Variants in STOX2 observed in about 807,000 individuals in gnomAD.
STOX2 encodes storkhead-box protein 2.
In STOX2, 28 loss-of-function variants were observed where a neutral mutation model predicts 60.9. The observed-to-expected ratio is 0.46, with a 90% CI of 0.34 to 0.63. STOX2 has a LOEUF of 0.63. Among genes scored for constraint, STOX2 ranks in the 30% least tolerant of loss-of-function variants. STOX2 has a pLI of 0.01. For synonymous variants in STOX2, 472 were observed against 463.9 expected, an observed-to-expected ratio of 1.02 and a Z score of -0.22; for missense variants, 1,024 against 1,187.7, an observed-to-expected ratio of 0.86 and a Z score of 2.03.
intron 1 of STOX2, among the ~76,000 whole-genome samples, chr4:183,826,443 A>G (rs1739434201): frequency 6.6e-6 from 1 of 152,196 alleles, no homozygotes; most frequent in Admixed American, 6.5e-5. Context: ...TTCGAGGCAC[A>G]GTTCGTCTTC....
In STOX2 at chr4:183,887,271, A is replaced by AG. The variant is rs200037564; in HGVS notation, c.364+89216_364+89217insG. 5.9e-5 allele frequency among the ~76,000 whole-genome samples: 9 copies of AG among 151,864 alleles called. No individual in the cohort carries two copies. In the East Asian group the frequency reaches 1.5e-3, roughly 26 times the overall value. ...AAGAATGAGACTCCGCCTGAAAGAA[A>AG]AAAAAAAAGTTATGTACTTCTTCCC... is the stretch of plus-strand genomic sequence containing the variant. On this transcript the variant is annotated intron_variant, in intron 1 of 2. Transcript: ENST00000513034.
chr4:183,964,055 G>A (rs1743492176), intron 1 of STOX2, among the ~76,000 whole-genome samples: 2 of 152,178 alleles, frequency 1.3e-5, no homozygotes, highest in Admixed American at 1.3e-4. Context: ...GATTACAGGC[G>A]TGAGCCACCG....
rs527429613 is a variant in STOX2 at position 183,816,459 on chromosome 4, C to T, written c.364+18404C>T. ...GGGAGCAAAACAATGGGTACACATG[C>T]ACATAAAAATCGGAACAGTAGACAT... On this transcript the variant is annotated intron_variant, in intron 1 of 2. Coordinates refer to the STOX2 transcript ENST00000513034. 3.3e-5 allele frequency among the ~76,000 whole-genome samples: 5 copies of T among 152,166 alleles called. No individual in the cohort carries two copies. The South Asian group carries it at 1.0e-3, about 32-fold the overall frequency.
chr4:183,897,994 T>C (rs935870916), intron 1 of STOX2, among the ~76,000 whole-genome samples: 9 of 152,244 alleles, frequency 5.9e-5, no homozygotes, highest in Admixed American at 5.2e-4. Context: ...AAAGCTTATT[T>C]TGAAGTAAGC....
At chr4:183,803,294 T>G (rs1738810010) in intron 1 of STOX2, among the ~76,000 whole-genome samples, 1 of 152,086 alleles carries the variant, frequency 6.6e-6, no homozygotes, top group Admixed American at 6.6e-5. Context: ...ATCACTGGTT[T>G]TGAACTCCTG....
intron 1 of STOX2, among the ~76,000 whole-genome samples, chr4:183,929,866 TTTC>T (rs202004488): frequency 1.3e-5 from 2 of 151,250 alleles, no homozygotes; most frequent in Non-Finnish European, 2.9e-5. Context: ...ATATAACTTT[TTTC>T]TTCTTCTTCT....
At chr4:183,956,818 C>A (rs1421670483) in intron 1 of STOX2, among the ~76,000 whole-genome samples, 1 of 151,976 alleles carries the variant, frequency 6.6e-6, no homozygotes, top group Admixed American at 6.6e-5. Context: ...AGTTTTCCAA[C>A]CTCCTTTTGC....
chr4:183,858,034 G>T (rs6552711), intron 1 of STOX2, among the ~76,000 whole-genome samples: 75,938 of 151,992 alleles, frequency 0.5, 19,262 homozygotes, highest in Non-Finnish European at 0.55. Context: ...CTGCCTCCTG[G>T]AGTCCACAGT....
At chr4:183,979,179 A>T (rs926473992) in intron 1 of STOX2, among the ~76,000 whole-genome samples, 1 of 152,188 alleles carries the variant, frequency 6.6e-6, no homozygotes, top group Non-Finnish European at 1.5e-5. Flanking sequence ...GAAGGCAAAG[A>T]GGGAGCCAGC....
chr4:183,814,123 G>C (rs1449621190), intron 1 of STOX2, among the ~76,000 whole-genome samples: 1 of 152,116 alleles, frequency 6.6e-6, no homozygotes, highest in African/African-American at 2.4e-5. Flanking sequence ...AAGAAAAATT[G>C]CATATAATCT....
At chr4:183,837,418 A>G (rs959451202) in intron 1 of STOX2, among the ~76,000 whole-genome samples, 1 of 150,920 alleles carries the variant, frequency 6.6e-6, no homozygotes, top group Non-Finnish European at 1.5e-5. Flanking sequence ...GTCCTTCTGT[A>G]TCTGGCTTAT....
At chr4:183,879,334 T>C (rs544651741) in intron 1 of STOX2, among the ~76,000 whole-genome samples, 74 of 152,316 alleles carry the variant, frequency 4.9e-4, no homozygotes, top group African/African-American at 1.7e-3. Flanking sequence ...AGCATGGACA[T>C]ATTTGTGCAG....
At chr4:183,949,592 G>C (rs1271054902) in intron 1 of STOX2, among the ~76,000 whole-genome samples, 2 of 152,176 alleles carry the variant, frequency 1.3e-5, no homozygotes, top group African/African-American at 4.8e-5. Context: ...CAGCTACTCA[G>C]GAGGCTGAGG....
At chr4:183,951,107 T>G (rs952101987) in intron 1 of STOX2, among the ~76,000 whole-genome samples, 3 of 150,610 alleles carry the variant, frequency 2.0e-5, no homozygotes, top group Non-Finnish European at 3.0e-5. Context: ...TCCCAGCTAC[T>G]CGGGAGGCTG....
chr4:183,867,887 C>G (rs898715829), intron 1 of STOX2, among the ~76,000 whole-genome samples: 1 of 152,148 alleles, frequency 6.6e-6, no homozygotes, highest in Admixed American at 6.5e-5. Flanking sequence ...AATAGAGCAC[C>G]GGTATGGCTC....
chr4:183,883,398 C>G (rs1166102078), intron 1 of STOX2, among the ~76,000 whole-genome samples: 1 of 151,286 alleles, frequency 6.6e-6, no homozygotes, highest in East Asian at 1.9e-4. Flanking sequence ...CGGCTCACTG[C>G]AAGCTCCGCC....
intron 1 of STOX2, among the ~76,000 whole-genome samples, chr4:183,876,099 C>T (rs1291097507): frequency 1.3e-5 from 2 of 152,152 alleles, no homozygotes; most frequent in Non-Finnish European, 2.9e-5. Flanking sequence ...CACCTTGATC[C>T]CCATGAGTTC....
Position 183,932,119 on chromosome 4 carries a change from A to T in STOX2, c.166+25163A>T, listed in dbSNP as rs1227742300. Among the ~76,000 whole-genome samples, 3 of 151,986 alleles carry T rather than the reference A, an allele frequency of 2.0e-5. No individual in the cohort carries two copies. In the East Asian group the frequency reaches 5.8e-4, roughly 29 times the overall value. On this transcript the variant is annotated intron_variant, in intron 1 of 3. Transcript: ENST00000308497. ...GTCAGTGACTGTGAGGATGTAGCCG[A>T]TGAGTAGGAAGGAGGAGTCAAGGTG...
chr4:184,010,629 A>G lies in STOX2; in HGVS notation c.1791A>G (p.Thr597=). The change falls in exon 3 of 4, where the codon ACA becomes ACG. Residue 597 remains threonine, a synonymous_variant. Transcript: ENST00000308497. The surrounding 1 kb of genome is among the most constrained non-coding windows in gnomAD (Gnocchi z 4.5). ...ACTCTTGTCCAACAAAAACAGCCAC[A>G]GATGACTATTTCCAGTGCAACACCT... The part of the protein sequence containing the change: ...ELNSCPTKTA[T]DDYFQCNTSS... 1.2e-6 allele frequency: 2 copies of G among 1,614,076 alleles called. No homozygotes were observed. The highest frequency in any genetic ancestry group is 1.6e-4 in the Middle Eastern group (1 of 6,062).
Sources: gnomAD v4.1 joint callset for allele counts (sites outside exome capture counted in the v4.1 genomes callset) on GRCh38, gnomAD v4.1.1 for gene constraint, Gnocchi (gnomAD v3.1) non-coding constraint, MANE v1.5 for transcripts, NCBI Gene and HGNC (gene_info 2026-07-23, HGNC 2026-07-21) for gene names.